The following COPG2 variants were observed in gnomAD, a reference collection of about 807,000 sequenced individuals.
COPG2 encodes coat protein complex I subunit gamma 2.
Under a neutral mutation model 46.3 loss-of-function variants are expected in COPG2, and 37 were observed. That is an observed-to-expected ratio of 0.80 (90% CI 0.61 to 1.05). The LOEUF is 1.05. Ranked by LOEUF, COPG2 falls within the 50% of genes least tolerant of loss-of-function variation. The probability of loss-of-function intolerance (pLI) is 0.00; values close to 1 mark genes in which losing one functional copy is unlikely to be tolerated. For missense variants in COPG2, 427 were observed against 387.8 expected (o/e 1.10, Z -0.85); for synonymous variants, 159 against 129.7 (o/e 1.23, Z -1.53).
intron 4 of COPG2, among the ~76,000 whole-genome samples, chr7:130,655,556 C>T (rs1554459784): frequency 6.6e-6 from 1 of 152,082 alleles, no homozygotes; most frequent in African/African-American, 2.4e-5. Context: ...GGAATCCCTC[C>T]CTCTCCTCCT....
chr7:130,652,314 AATTT>A (rs1488553588), intron 5 of COPG2, among the ~76,000 whole-genome samples: 1 of 152,222 alleles, frequency 6.6e-6, no homozygotes, highest in Non-Finnish European at 1.5e-5. Context: ...AAATTGAATC[AATTT>A]ATTACTCTGT....
intron 12 of COPG2, among the ~76,000 whole-genome samples, chr7:130,559,690 T>A (rs1793687763): frequency 6.6e-6 from 1 of 152,172 alleles, no homozygotes; most frequent in African/African-American, 2.4e-5. Context: ...CCAAGGTATC[T>A]TAATAACAAA....
chr7:130,659,130 C>T (rs533352819), intron 4 of COPG2, among the ~76,000 whole-genome samples: 13 of 151,990 alleles, frequency 8.6e-5, no homozygotes, highest in Admixed American at 3.9e-4. Flanking sequence ...CTGAGACGGG[C>T]GGATCACAAG....
chr7:130,639,736 C>T (rs1795425103), intron 5 of COPG2, among the ~76,000 whole-genome samples: 1 of 152,212 alleles, frequency 6.6e-6, no homozygotes, highest in Non-Finnish European at 1.5e-5. Flanking sequence ...ATAGTCCATA[C>T]ATGTAGTGCT....
At chr7:130,600,005 T>C (rs1554450162) in intron 9 of COPG2, among the ~76,000 whole-genome samples, 2 of 152,188 alleles carry the variant, frequency 1.3e-5, no homozygotes, top group Admixed American at 1.3e-4. Flanking sequence ...GGGTTCTAAA[T>C]AGGAGGTCAA....
intron 5 of COPG2, among the ~76,000 whole-genome samples, chr7:130,632,787 C>T (rs375627728): frequency 5.3e-5 from 8 of 151,964 alleles, no homozygotes; most frequent in Non-Finnish European, 8.8e-5. Context: ...GATACATGTG[C>T]GGAACATGCA....
In COPG2 at chr7:130,662,196, C is replaced by A. The variant is rs558925976; in HGVS notation, c.243+771G>T. 2.6e-5 allele frequency among the ~76,000 whole-genome samples: 4 copies of A among 152,294 alleles called. No homozygotes were observed. The South Asian group carries it at 8.3e-4, about 32-fold the overall frequency. Reference sequence around the variant, plus strand: ...TATATAATGGCCTCCCCTGAAACAGCTGCCTTACAGGGGACTGCTGATCTT... The same window carrying A: ...TATATAATGGCCTCCCCTGAAACAGATGCCTTACAGGGGACTGCTGATCTT... On this transcript the variant is annotated intron_variant, in intron 4 of 23. Transcript: ENST00000425248.
chr7:130,641,639 T>C (rs1554457310), intron 5 of COPG2, among the ~76,000 whole-genome samples: 1 of 152,092 alleles, frequency 6.6e-6, no homozygotes, highest in African/African-American at 2.4e-5. Flanking sequence ...TTGAGAGGAG[T>C]TTCACTACAG....
chr7:130,597,409 C>G (rs993732657), intron 9 of COPG2, among the ~76,000 whole-genome samples: 10 of 152,320 alleles, frequency 6.6e-5, no homozygotes, highest in African/African-American at 1.9e-4. Flanking sequence ...CTCTCTCACT[C>G]TCATCTGAGT....
At chr7:130,528,182 G>A (rs911515658) in intron 20 of COPG2, among the ~76,000 whole-genome samples, 5 of 152,202 alleles carry the variant, frequency 3.3e-5, no homozygotes, top group East Asian at 1.9e-4. Context: ...GTTTGTACCC[G>A]TGGGATGTGG....
intron 23 of COPG2, 116 bp downstream of exon 23, chr7:130,507,158 A>C: frequency 2.9e-6 from 2 of 696,020 alleles, no homozygotes; most frequent in East Asian, 5.0e-5. Flanking sequence ...CTGGGTATCA[A>C]ATTGTTACTC....
At chr7:130,620,813 T>C (rs1446266582) in intron 5 of COPG2, among the ~76,000 whole-genome samples, 1 of 152,182 alleles carries the variant, frequency 6.6e-6, no homozygotes. Flanking sequence ...TTGGAAGATT[T>C]TTACAATATG....
chr7:130,570,434 A>G (rs1793875949), intron 9 of COPG2, among the ~76,000 whole-genome samples: 1 of 152,194 alleles, frequency 6.6e-6, no homozygotes, highest in African/African-American at 2.4e-5. Flanking sequence ...TCAAATCAAG[A>G]ACTCAACCCC....
At chr7:130,623,781 T>C (rs1795074437) in intron 5 of COPG2, among the ~76,000 whole-genome samples, 1 of 152,086 alleles carries the variant, frequency 6.6e-6, no homozygotes, top group Non-Finnish European at 1.5e-5. Flanking sequence ...AGCCAGGAGT[T>C]TGAGGACAGC....
chr7:130,507,616 A>G, intron 22 of COPG2, 69 bp downstream of exon 22: 1 of 707,648 alleles, frequency 1.4e-6, no homozygotes, highest in Non-Finnish European at 2.6e-6. Context: ...GTTCTTCTGG[A>G]GTAACAAATA....
At chr7:130,594,735 T>G (rs1794494431) in intron 9 of COPG2, among the ~76,000 whole-genome samples, 4 of 152,204 alleles carry the variant, frequency 2.6e-5, no homozygotes, top group Admixed American at 1.3e-4. Context: ...ATATGGAGAT[T>G]GGCAATAAAC....
chr7:130,527,999 C>T (rs910885888), intron 20 of COPG2, among the ~76,000 whole-genome samples: 5 of 151,766 alleles, frequency 3.3e-5, no homozygotes, highest in South Asian at 2.1e-4. Flanking sequence ...TCTGTTGTCA[C>T]GGGGAGGAAA....
intron 5 of COPG2, among the ~76,000 whole-genome samples, chr7:130,643,314 A>G (rs1554457622): frequency 1.3e-5 from 2 of 151,920 alleles, no homozygotes; most frequent in Admixed American, 6.5e-5. Flanking sequence ...AAAACCCACA[A>G]AAACTATAAA....
chr7:130,575,352 T>C (rs1460764941), intron 9 of COPG2, among the ~76,000 whole-genome samples: 6 of 152,172 alleles, frequency 3.9e-5, no homozygotes, highest in Non-Finnish European at 4.4e-5. Context: ...TAACAGCAGA[T>C]TTCTCAGCAG....
Sources: allele counts gnomAD v4.1 joint callset (sites outside exome capture counted in the v4.1 genomes callset), GRCh38; gene constraint gnomAD v4.1.1; transcripts MANE v1.5; gene names NCBI Gene and HGNC (gene_info 2026-07-23, HGNC 2026-07-21).